EEIG2: variants seen among roughly 807,000 people sequenced by gnomAD.
EEIG2 encodes EEIG family member 2.
the EEIG2 span, among the ~76,000 whole-genome samples, chr1:108,604,838 A>G: frequency 6.7e-6 from 1 of 148,296 alleles, no homozygotes; most frequent in African/African-American, 2.5e-5. Flanking sequence ...AGACAAAACT[A>G]GGCAACATGG....
the EEIG2 span, among the ~76,000 whole-genome samples, chr1:108,617,313 G>A: frequency 6.6e-6 from 1 of 152,170 alleles, no homozygotes; most frequent in Non-Finnish European, 1.5e-5. Flanking sequence ...TAGACAATCT[G>A]TAGGAGTAAC....
the EEIG2 span, among the ~76,000 whole-genome samples, chr1:108,601,030 A>G: frequency 9.5e-4 from 144 of 152,186 alleles, no homozygotes; most frequent in African/African-American, 2.7e-3. Context: ...TAATATATCT[A>G]ATAACCCTGA....
chr1:108,570,483 T>C, the EEIG2 span, among the ~76,000 whole-genome samples: 1 of 152,116 alleles, frequency 6.6e-6, no homozygotes, highest in Non-Finnish European at 1.5e-5. Flanking sequence ...CTTAGCTTTC[T>C]CAGTAGCAAC....
chr1:108,600,354 C>CT, the EEIG2 span, among the ~76,000 whole-genome samples: 13 of 152,110 alleles, frequency 8.5e-5, no homozygotes, highest in Non-Finnish European at 1.6e-4. Flanking sequence ...AGTAAATTCA[C>CT]TTTTTTTCCA....
chr1:108,621,707 G>A, the EEIG2 span, among the ~76,000 whole-genome samples: 1 of 152,160 alleles, frequency 6.6e-6, no homozygotes, highest in Non-Finnish European at 1.5e-5. Flanking sequence ...CATTAAAAAG[G>A]TAAGAATTTT....
At chr1:108,628,129 T>G in the EEIG2 span, 2 of 1,566,326 alleles carry the variant, frequency 1.3e-6, no homozygotes, top group African/African-American at 1.3e-5. Context: ...ATTAACTTTT[T>G]GGCAATAAGA....
chr1:108,628,876 A>T, the EEIG2 span: 1 of 1,418,794 alleles, frequency 7.0e-7, no homozygotes, highest in Non-Finnish European at 9.7e-7. Context: ...AGCAGTAAAG[A>T]GGCTCAGAAC....
At chr1:108,639,165 G>A in the EEIG2 span, 2 of 150,914 alleles carry the variant, frequency 1.3e-5, no homozygotes, top group African/African-American at 4.9e-5. Flanking sequence ...CTTGGAGAAT[G>A]ACCTTCATAT....
the EEIG2 span, among the ~76,000 whole-genome samples, chr1:108,607,756 C>T: frequency 6.6e-6 from 1 of 152,138 alleles, no homozygotes; most frequent in Non-Finnish European, 1.5e-5. Context: ...TGTAGTTGAC[C>T]AGTCCTCTTG....
the EEIG2 span, among the ~76,000 whole-genome samples, chr1:108,621,091 A>G: frequency 6.6e-6 from 1 of 152,318 alleles, no homozygotes; most frequent in African/African-American, 2.4e-5. Flanking sequence ...TGAGTATTTA[A>G]GAAATGTCAA....
the EEIG2 span, chr1:108,637,580 T>C: frequency 6.6e-6 from 1 of 152,158 alleles, no homozygotes; most frequent in Admixed American, 6.5e-5. Context: ...AATAAATTTA[T>C]TTTTAAATAT....
the EEIG2 span, among the ~76,000 whole-genome samples, chr1:108,564,499 T>C: frequency 6.6e-6 from 1 of 152,212 alleles, no homozygotes; most frequent in Non-Finnish European, 1.5e-5. Context: ...ATGCTTAGCA[T>C]GCTACATTTG....
At chr1:108,589,783 C>CTTTT in the EEIG2 span, among the ~76,000 whole-genome samples, 121 of 85,128 alleles carry the variant, frequency 1.4e-3, 1 homozygote, top group Middle Eastern at 0.014. Context: ...GTCTTTTGTC[C>CTTTT]TTTTTTTTTT....
the EEIG2 span, among the ~76,000 whole-genome samples, chr1:108,565,203 A>G: frequency 6.6e-6 from 1 of 152,246 alleles, no homozygotes; most frequent in Non-Finnish European, 1.5e-5. Context: ...AATAAAATAC[A>G]GTCATGTATC....
the EEIG2 span, among the ~76,000 whole-genome samples, chr1:108,574,605 G>C: frequency 6.6e-6 from 1 of 152,196 alleles, no homozygotes; most frequent in Admixed American, 6.5e-5. Context: ...ACAGACATTA[G>C]CTGGGCGTGG....
the EEIG2 span, among the ~76,000 whole-genome samples, chr1:108,582,810 A>G: frequency 6.6e-6 from 1 of 152,176 alleles, no homozygotes; most frequent in Non-Finnish European, 1.5e-5. Flanking sequence ...ATGAACAGAT[A>G]CATTGCAGAG....
chr1:108,603,158 T>C, the EEIG2 span, among the ~76,000 whole-genome samples: 1 of 152,274 alleles, frequency 6.6e-6, no homozygotes, highest in South Asian at 2.1e-4. Context: ...AGGCTTAGAA[T>C]CCATAGAGGA....
chr1:108,579,586 G>A, the EEIG2 span, among the ~76,000 whole-genome samples: 119,222 of 148,628 alleles, frequency 0.8, 50,297 homozygotes, highest in Non-Finnish European at 0.94. Context: ...TGCACCAAGC[G>A]GACCTAATAG....
the EEIG2 span, among the ~76,000 whole-genome samples, chr1:108,589,517 C>T: frequency 5.9e-5 from 9 of 152,048 alleles, no homozygotes; most frequent in East Asian, 1.5e-3. Context: ...CTTACCTGAC[C>T]TCTCTGCCAC....
Sources: gnomAD v4.1 joint callset for allele counts (sites outside exome capture counted in the v4.1 genomes callset) on GRCh38, gnomAD v4.1.1 for gene constraint, MANE v1.5 for transcripts, NCBI Gene and HGNC (gene_info 2026-07-23, HGNC 2026-07-21) for gene names.